PEAK1: variants seen among roughly 807,000 people sequenced by gnomAD.
PEAK1 encodes pseudopodium enriched atypical kinase 1.
A neutral mutation model predicts 124.7 loss-of-function variants in PEAK1; 54 were observed. The ratio of observed to expected loss-of-function variants is 0.43; its 90% CI spans 0.35 to 0.54. The LOEUF (loss-of-function observed/expected upper bound fraction) is 0.54. PEAK1 is among the 20% of genes least tolerant of loss of function. The pLI, the probability that PEAK1 is intolerant of heterozygous loss-of-function variation, is 0.01. For synonymous variants in PEAK1, 719 were observed against 760.0 expected, an observed-to-expected ratio of 0.95 and a Z score of 0.89; for missense variants, 2,046 against 2,134.5, an observed-to-expected ratio of 0.96 and a Z score of 0.82.
chr15:77,237,816 C>G (rs114658585), intron 6 of PEAK1, among the ~76,000 whole-genome samples: 2 of 152,012 alleles, frequency 1.3e-5, no homozygotes, highest in East Asian at 3.8e-4. Flanking sequence ...AATATCTCTT[C>G]GTTTCTTTTA....
intron 6 of PEAK1, among the ~76,000 whole-genome samples, chr15:77,199,505 G>A (rs911320736): frequency 1.3e-5 from 2 of 152,208 alleles, no homozygotes; most frequent in African/African-American, 2.4e-5. Flanking sequence ...AACTGTTGAA[G>A]ATGACATTGT....
At chr15:77,275,181 G>A (rs1262940779) in intron 5 of PEAK1, among the ~76,000 whole-genome samples, 1 of 152,134 alleles carries the variant, frequency 6.6e-6, no homozygotes, top group African/African-American at 2.4e-5. Context: ...TAAGAGGGAG[G>A]TGAGGGATAA....
chr15:77,377,516 G>A (rs918332731), intron 1 of PEAK1, among the ~76,000 whole-genome samples: 1 of 149,054 alleles, frequency 6.7e-6, no homozygotes, highest in Admixed American at 6.6e-5. Flanking sequence ...ACAATGGCAC[G>A]ATCTCAGCTC....
chr15:77,355,496 T>C (rs2067465010), intron 2 of PEAK1, among the ~76,000 whole-genome samples: 1 of 152,124 alleles, frequency 6.6e-6, no homozygotes, highest in Non-Finnish European at 1.5e-5. Context: ...CTTTTATAAT[T>C]GCGCAAGTCA....
chr15:77,114,629 A>G lies in PEAK1; in HGVS notation c.4768T>C (p.Cys1590Arg), dbSNP rs2051190509. The change falls in exon 10 of 10, where the codon TGT becomes CGT. Residue 1590 changes from cysteine to arginine, a missense_variant. Coordinates refer to ENST00000682557, the MANE Select transcript of PEAK1 (RefSeq NM_001385026.1). ...EIITATQYKKCDEFQTGILIY... is the reference protein window; with the variant it reads ...EIITATQYKKRDEFQTGILIY... ...AGGATGCCTGTCTGGAACTCATCACACTTTTTATACTGGGTAGCTGTTATG... is the reference window on the plus strand; with the variant it reads ...AGGATGCCTGTCTGGAACTCATCACGCTTTTTATACTGGGTAGCTGTTATG... 1 of 1,613,746 alleles carries G rather than the reference A, an allele frequency of 6.2e-7. No homozygotes were observed. The highest frequency in any genetic ancestry group is 1.3e-5 in the African/African-American group (1 of 74,880).
chr15:77,321,873 A>ATGT (rs2065241673), intron 2 of PEAK1, among the ~76,000 whole-genome samples: 2 of 152,260 alleles, frequency 1.3e-5, no homozygotes, highest in African/African-American at 4.8e-5. Flanking sequence ...CTTTCTACAC[A>ATGT]TGGCTAGCCA....
At chr15:77,368,045 TTATC>T (rs1391834431) in intron 1 of PEAK1, among the ~76,000 whole-genome samples, 1 of 152,212 alleles carries the variant, frequency 6.6e-6, no homozygotes, top group Non-Finnish European at 1.5e-5. Context: ...GGATTCATGA[TTATC>T]TGTTTACCTA....
At chr15:77,403,356 T>C in intron 1 of PEAK1, 1 of 932,368 alleles carries the variant, frequency 1.1e-6, no homozygotes, top group African/African-American at 1.8e-5. Flanking sequence ...TAGAAATATA[T>C]TTATTTACAG....
intron 7 of PEAK1, among the ~76,000 whole-genome samples, chr15:77,160,222 A>G (rs1204621527): frequency 6.6e-6 from 1 of 152,184 alleles, no homozygotes. Context: ...GGGAAGACAA[A>G]ACAAAGTGAC....
chr15:77,417,459 C>T (rs866959049), intron 1 of PEAK1: 17 of 378,640 alleles, frequency 4.5e-5, no homozygotes, highest in East Asian at 4.4e-4. Context: ...GGATGCGGGG[C>T]GGGGGGGGAG....
chr15:77,335,092 C>G (rs1247055112), intron 2 of PEAK1: 2 of 985,318 alleles, frequency 2.0e-6, no homozygotes, highest in African/African-American at 1.7e-5. Flanking sequence ...AACTCTAGAT[C>G]TATAAACAGT....
chr15:77,205,862 C>A (rs1045378596), intron 6 of PEAK1, among the ~76,000 whole-genome samples: 1 of 151,118 alleles, frequency 6.6e-6, no homozygotes, highest in Non-Finnish European at 1.5e-5. Context: ...TTTTAGGGTA[C>A]ATGTGCACAT....
At chr15:77,333,103 G>T (rs912716875) in intron 2 of PEAK1, 15 of 982,834 alleles carry the variant, frequency 1.5e-5, no homozygotes, top group Non-Finnish European at 1.8e-5. Flanking sequence ...CAATTTTGTT[G>T]ATGGTATTTG....
chr15:77,257,058 C>A (rs1307898452), intron 5 of PEAK1, among the ~76,000 whole-genome samples: 15 of 152,010 alleles, frequency 9.9e-5, no homozygotes, highest in East Asian at 1.9e-4. Context: ...ACATGAACTC[C>A]TCATTTTTTA....
chr15:77,247,156 T>C (rs1373775017), intron 6 of PEAK1, among the ~76,000 whole-genome samples: 2 of 152,244 alleles, frequency 1.3e-5, no homozygotes, highest in Non-Finnish European at 2.9e-5. Flanking sequence ...TAGAAAATGA[T>C]TTCATTTGCA....
intron 6 of PEAK1, among the ~76,000 whole-genome samples, chr15:77,183,383 T>C (rs997341710): frequency 1.3e-5 from 2 of 152,286 alleles, no homozygotes; most frequent in South Asian, 2.1e-4. Flanking sequence ...GGTGCATCTA[T>C]CAGCTGTGTG....
Position 77,133,584 on chromosome 15 carries a change from C to G in PEAK1, c.3498G>C (p.Glu1166Asp), listed in dbSNP as rs75883407. 1.2e-3 allele frequency: 1,947 copies of G among 1,614,094 alleles called. 7 individuals carry two copies. In the African/African-American group the frequency reaches 0.014, roughly 12 times the overall value. ...ATTTTTGGAGGTCCTTGGAGATTGG[C>G]TCTGTATTGGCTCTTATGATCATCT... is the stretch of plus-strand genomic sequence containing the variant. Reference protein sequence around the residue: ...PKKMIIRANTEPISKDLQKSM... With the variant: ...PKKMIIRANTDPISKDLQKSM... The change falls in exon 9 of 10, where the codon GAG (glutamate) becomes GAC (aspartate). Residue 1166 changes from glutamate to aspartate, a missense_variant. Glu to Asp is a conservative substitution (Grantham distance 45, BLOSUM62 2). Coordinates refer to ENST00000682557, the MANE Select transcript of PEAK1 (RefSeq NM_001385026.1). This position sits in a 1 kb window ranked among gnomAD's most constrained non-coding sequence, Gnocchi z 4.2.
intron 6 of PEAK1, among the ~76,000 whole-genome samples, chr15:77,222,528 T>C (rs1235201063): frequency 6.6e-6 from 1 of 152,034 alleles, no homozygotes; most frequent in African/African-American, 2.4e-5. Flanking sequence ...GAGAGTCAAA[T>C]AAATTAAGTA....
At chr15:77,264,492 C>T (rs901220251) in intron 5 of PEAK1, among the ~76,000 whole-genome samples, 4 of 152,150 alleles carry the variant, frequency 2.6e-5, no homozygotes, top group African/African-American at 4.8e-5. Context: ...CATGAGTGAA[C>T]TCCCATTCAC....
Sources: gnomAD v4.1 joint callset for allele counts (sites outside exome capture counted in the v4.1 genomes callset) on GRCh38, gnomAD v4.1.1 for gene constraint, Gnocchi (gnomAD v3.1) non-coding constraint, MANE v1.5 for transcripts, NCBI Gene and HGNC (gene_info 2026-07-23, HGNC 2026-07-21) for gene names.